ZNF385D: variants seen among roughly 807,000 people sequenced by gnomAD.
The protein encoded by ZNF385D is zinc finger protein 659.
Under a neutral mutation model 35.8 loss-of-function variants are expected in ZNF385D, and 15 were observed. That is an observed-to-expected ratio of 0.42 (90% CI 0.28 to 0.64). The LOEUF (loss-of-function observed/expected upper bound fraction) is 0.64, where lower values mean the gene tolerates loss of function less well. ZNF385D is among the 30% of genes least tolerant of loss of function. The pLI, the probability that ZNF385D is intolerant of heterozygous loss-of-function variation, is 0.23. For missense variants in ZNF385D, 474 were observed against 494.6 expected (o/e 0.96, Z 0.39); for synonymous variants, 212 against 186.8 (o/e 1.13, Z -1.10).
intron 2 of ZNF385D, among the ~76,000 whole-genome samples, chr3:22,348,187 G>A (rs1695745535): frequency 1.3e-5 from 2 of 152,004 alleles, no homozygotes; most frequent in African/African-American, 4.8e-5. Context: ...TTGTTACAAA[G>A]GCATTGTTAT....
intron 2 of ZNF385D, among the ~76,000 whole-genome samples, chr3:21,586,036 T>C (rs1309473082): frequency 2.4e-5 from 1 of 42,176 alleles, no homozygotes; most frequent in Non-Finnish European, 5.8e-5. Context: ...TAAATACAAA[T>C]ACATACACAC....
At chr3:21,941,689 G>T (rs1055469614) in intron 3 of ZNF385D, among the ~76,000 whole-genome samples, 1 of 151,590 alleles carries the variant, frequency 6.6e-6, no homozygotes, top group African/African-American at 2.4e-5. Flanking sequence ...AGTAGAGACG[G>T]GGTTTCACCG....
intron 3 of ZNF385D, among the ~76,000 whole-genome samples, chr3:21,554,715 A>C (rs2125609600): frequency 2.6e-5 from 4 of 152,226 alleles, no homozygotes; most frequent in Middle Eastern, 3.4e-3. Context: ...CCTTAACTGG[A>C]TCTTCTGGAT....
At chr3:22,129,810 T>C (rs1192043230) in intron 3 of ZNF385D, among the ~76,000 whole-genome samples, 1 of 152,032 alleles carries the variant, frequency 6.6e-6, no homozygotes. Flanking sequence ...GTCTGAGTGG[T>C]GCTTTATTTT....
chr3:21,542,797 T>TG (rs1375501543), intron 3 of ZNF385D: 1 of 152,282 alleles, frequency 6.6e-6, no homozygotes, highest in African/African-American at 2.4e-5. Context: ...CGGGGAACTC[T>TG]GACCTTGCGG....
intron 2 of ZNF385D, among the ~76,000 whole-genome samples, chr3:22,209,805 A>G (rs1697398851): frequency 6.6e-6 from 1 of 151,786 alleles, no homozygotes; most frequent in Non-Finnish European, 1.5e-5. Flanking sequence ...AACCACATAT[A>G]CACAAAAGTC....
intron 3 of ZNF385D, among the ~76,000 whole-genome samples, chr3:21,921,426 C>T (rs1700455651): frequency 6.6e-6 from 1 of 152,034 alleles, no homozygotes; most frequent in Non-Finnish European, 1.5e-5. Context: ...TTTGTTCGTG[C>T]ACCTATGACA....
chr3:22,255,962 C>G (rs1700293154), intron 2 of ZNF385D, among the ~76,000 whole-genome samples: 1 of 151,592 alleles, frequency 6.6e-6, no homozygotes, highest in Admixed American at 6.6e-5. Context: ...GAAAGGCCGA[C>G]TCACCCTTAA....
chr3:21,596,105 A>G (rs1191405273), intron 2 of ZNF385D, among the ~76,000 whole-genome samples: 2 of 152,224 alleles, frequency 1.3e-5, no homozygotes, highest in African/African-American at 4.8e-5. Context: ...GCTGAAATTC[A>G]TAGAAACTCT....
At chr3:22,234,594 G>T (rs1296957375) in intron 2 of ZNF385D, among the ~76,000 whole-genome samples, 1 of 151,862 alleles carries the variant, frequency 6.6e-6, no homozygotes, top group East Asian at 1.9e-4. Context: ...TCTTGACACA[G>T]CAGGTGTGTG....
rs1553591248 is a variant in ZNF385D at position 22,030,274 on chromosome 3, T to TATATATCCTATACAAATAACAAATAGG, written c.325+138542_325+138543insCCTATTTGTTATTTGTATAGGATATAT. On this transcript the variant is annotated intron_variant, in intron 3 of 5. Transcript: ENST00000494108. The stretch of plus-strand genomic sequence containing the variant: ...ACTCATTCATATATATATATATATA[T>TATATATCCTATACAAATAACAAATAGG]ATATATATATATATATATATATATA... Among the ~76,000 whole-genome samples the TATATATCCTATACAAATAACAAATAGG allele has an allele frequency of 1.3e-4, 11 of 86,764 alleles. 3 individuals carry two copies. Among genetic ancestry groups the TATATATCCTATACAAATAACAAATAGG allele is most frequent in the South Asian group, 7.5e-4 (2 of 2,654 alleles). The allele number at this position is 86,764 out of a possible 152,430, so 56.9% of individuals were successfully genotyped here. A position where few individuals can be genotyped will look rare whatever the true frequency, so the allele number is the denominator to read the frequency against.
intron 3 of ZNF385D, among the ~76,000 whole-genome samples, chr3:21,823,990 T>A (rs555733597): frequency 6.6e-6 from 1 of 152,286 alleles, no homozygotes; most frequent in South Asian, 2.1e-4. Flanking sequence ...TGCATGAAAA[T>A]AAAATGCAAT....
At chr3:21,616,635 T>A (rs914376023) in intron 2 of ZNF385D, among the ~76,000 whole-genome samples, 2 of 152,210 alleles carry the variant, frequency 1.3e-5, no homozygotes, top group Admixed American at 6.5e-5. Flanking sequence ...AAAAAAAGAT[T>A]CATGTTCCCA....
chr3:21,668,935 A>C (rs1315339736), intron 1 of ZNF385D, among the ~76,000 whole-genome samples: 3 of 152,216 alleles, frequency 2.0e-5, no homozygotes. Flanking sequence ...AAAATGTATA[A>C]TAGATTTGTA....
intron 3 of ZNF385D, among the ~76,000 whole-genome samples, chr3:22,088,026 C>T (rs1378155799): frequency 6.6e-6 from 1 of 152,154 alleles, no homozygotes; most frequent in Non-Finnish European, 1.5e-5. Context: ...GCTGTTGACA[C>T]TCAAAATCGG....
chr3:21,698,914 A>T lies in ZNF385D; in HGVS notation c.23-33886T>A, dbSNP rs535457217. ...GGTGGGAATGAAAATTAGTTCAACC[A>T]CTGTGGAAGACGCTGTGGCAATTCA... On this transcript the variant is annotated intron_variant, in intron 1 of 7. Transcript: ENST00000281523. Among the ~76,000 whole-genome samples the T allele has an allele frequency of 2.0e-5, 3 of 152,306 alleles. No individual in the cohort carries two copies. The East Asian group carries it at 5.8e-4, about 29-fold the overall frequency.
chr3:22,119,252 A>G (rs898264393), intron 3 of ZNF385D, among the ~76,000 whole-genome samples: 4 of 152,190 alleles, frequency 2.6e-5, no homozygotes, highest in Non-Finnish European at 5.9e-5. Context: ...AAGAATATAA[A>G]TCAACATCTT....
chr3:21,753,576 TTTAAA>T (rs1038684206), upstream of ZNF385D, among the ~76,000 whole-genome samples: 1 of 152,184 alleles, frequency 6.6e-6, no homozygotes, highest in Admixed American at 6.5e-5. Flanking sequence ...AAGATGCCCT[TTTAAA>T]TTAAAGATAT....
At chr3:22,088,078 G>T (rs1701138570) in intron 3 of ZNF385D, among the ~76,000 whole-genome samples, 1 of 152,138 alleles carries the variant, frequency 6.6e-6, no homozygotes, top group African/African-American at 2.4e-5. Context: ...TCTAAAACAA[G>T]AGGATTTTAC....
Sources: allele counts gnomAD v4.1 joint callset (sites outside exome capture counted in the v4.1 genomes callset), GRCh38; gene constraint gnomAD v4.1.1; transcripts MANE v1.5; gene names NCBI Gene and HGNC (gene_info 2026-07-23, HGNC 2026-07-21).